Variants in PCDH15 observed in about 807,000 individuals in gnomAD.
PCDH15 encodes protocadherin related 15, also known as protocadherin-15.
PCDH15 carries 129 observed loss-of-function variants against 178.5 expected under a neutral mutation model. That is an observed-to-expected ratio of 0.72 (90% CI 0.63 to 0.84). PCDH15 has a LOEUF of 0.84. PCDH15 is among the 40% of genes least tolerant of loss of function. The pLI, the probability that PCDH15 is intolerant of heterozygous loss-of-function variation, is 0.00. For missense variants in PCDH15, 2,230 were observed against 2,099.9 expected (o/e 1.06, Z -1.21); for synonymous variants, 800 against 732.0 (o/e 1.09, Z -1.50).
At chr10:54,518,948 C>T (rs1463988213) in intron 3 of PCDH15, among the ~76,000 whole-genome samples, 1 of 152,102 alleles carries the variant, frequency 6.6e-6, no homozygotes. Flanking sequence ...TAAACAGATC[C>T]AAAGACAAAA....
intron 2 of PCDH15, among the ~76,000 whole-genome samples, chr10:55,438,916 T>G (rs1589028332): frequency 6.6e-6 from 1 of 151,668 alleles, no homozygotes; most frequent in East Asian, 1.9e-4. Context: ...TTATTTTTTT[T>G]GAGACAGAGT....
intron 3 of PCDH15, among the ~76,000 whole-genome samples, chr10:54,815,788 G>A (rs1406265404): frequency 6.6e-6 from 1 of 152,060 alleles, no homozygotes; most frequent in Non-Finnish European, 1.5e-5. Context: ...CATCATTTCA[G>A]ACAGATGATT....
intron 4 of PCDH15, among the ~76,000 whole-genome samples, chr10:54,375,314 G>A (rs910519436): frequency 2.0e-5 from 3 of 152,062 alleles, no homozygotes; most frequent in South Asian, 2.1e-4. Context: ...AGGAAGTGGA[G>A]TAAAATTATA....
chr10:53,989,308 C>T (rs554166647), intron 21 of PCDH15, among the ~76,000 whole-genome samples: 2 of 152,186 alleles, frequency 1.3e-5, no homozygotes, highest in South Asian at 2.1e-4. Context: ...ATTTTACGCA[C>T]ATTTCCATTT....
intron 32 of PCDH15, chr10:53,823,172 A>T (rs775645118): frequency 6.2e-7 from 1 of 1,613,970 alleles, no homozygotes; most frequent in East Asian, 2.2e-5. Context: ...AGTCATCCTC[A>T]TCAGATAGAA....
intron 2 of PCDH15, among the ~76,000 whole-genome samples, chr10:55,136,238 C>G (rs1033991343): frequency 6.6e-6 from 1 of 152,048 alleles, no homozygotes; most frequent in African/African-American, 2.4e-5. Context: ...TGCTGAGTAG[C>G]TCTATGACTT....
At position 54,122,363 on chromosome 10, in the gene PCDH15, T is replaced by C. The variant is rs145874477; in HGVS notation, c.1917+10512A>G. Among the ~76,000 whole-genome samples, 52 of 152,064 alleles carry C rather than the reference T, an allele frequency of 3.4e-4. 1 individual carries two copies. The East Asian group carries it at 9.4e-3, about 27-fold the overall frequency. On this transcript the variant is annotated intron_variant, in intron 15 of 37. Transcript: ENST00000644397. ...CAAGAAACTAGGCATCAGAGGTACA[T>C]ATCTCAAAATAATAAAAGCTATCTA...
At chr10:53,888,282 C>CTA (rs201647527) in intron 26 of PCDH15, among the ~76,000 whole-genome samples, 59 of 95,392 alleles carry the variant, frequency 6.2e-4, no homozygotes, top group African/African-American at 3.3e-3. Flanking sequence ...CATTCCAACA[C>CTA]TATATATACA....
At chr10:54,666,273 A>G (rs2094570599) in intron 1 of PCDH15, among the ~76,000 whole-genome samples, 3 of 152,066 alleles carry the variant, frequency 2.0e-5, no homozygotes, top group Admixed American at 6.6e-5. Context: ...AGTAGATATT[A>G]TTATCCCCAT....
chr10:54,593,843 C>T (rs890178502), intron 2 of PCDH15, among the ~76,000 whole-genome samples: 5 of 151,682 alleles, frequency 3.3e-5, no homozygotes, highest in Admixed American at 2.0e-4. Context: ...TTTCATTTAT[C>T]TATGCTTTAA....
chr10:53,986,431 C>T (rs1589773996), intron 21 of PCDH15, among the ~76,000 whole-genome samples: 3 of 152,266 alleles, frequency 2.0e-5, no homozygotes, highest in East Asian at 1.9e-4. Context: ...AAAAAAATTA[C>T]TAATGTAACT....
intron 1 of PCDH15, among the ~76,000 whole-genome samples, chr10:54,753,185 G>T (rs1440210170): frequency 6.6e-6 from 1 of 151,964 alleles, no homozygotes; most frequent in Admixed American, 6.6e-5. Context: ...AAATAGAGAC[G>T]TGATTTTTTT....
chr10:55,319,045 AACAAAAC>A (rs1270385020), intron 1 of PCDH15, among the ~76,000 whole-genome samples: 1 of 107,040 alleles, frequency 9.3e-6, no homozygotes, highest in Non-Finnish European at 2.1e-5. Flanking sequence ...CAAGAAAACA[AACAAAAC>A]ACACACACAC....
At chr10:54,955,294 T>C (rs1838455555) in intron 2 of PCDH15, among the ~76,000 whole-genome samples, 1 of 151,362 alleles carries the variant, frequency 6.6e-6, no homozygotes, top group African/African-American at 2.4e-5. Context: ...TTTGTTCTTT[T>C]GTTTTTCTTT....
chr10:55,573,702 T>C (rs1338348675), intron 2 of PCDH15, among the ~76,000 whole-genome samples: 1 of 152,180 alleles, frequency 6.6e-6, no homozygotes, highest in South Asian at 2.1e-4. Flanking sequence ...TAACTCAGCA[T>C]ATACTTCACA....
chr10:55,050,473 A>AG (rs1181004171), intron 2 of PCDH15, among the ~76,000 whole-genome samples: 1 of 152,030 alleles, frequency 6.6e-6, no homozygotes, highest in Admixed American at 6.6e-5. Context: ...GTGTCCTATG[A>AG]GATGTTTTAA....
chr10:54,430,190 G>A (rs1419408679), intron 3 of PCDH15, among the ~76,000 whole-genome samples: 1 of 151,532 alleles, frequency 6.6e-6, no homozygotes, highest in Non-Finnish European at 1.5e-5. Flanking sequence ...TGCTTAGCTG[G>A]GATTACAGGC....
At chr10:54,099,513 A>AAAAAAAAAAAAT (rs1347306483) in intron 15 of PCDH15, among the ~76,000 whole-genome samples, 19 of 117,924 alleles carry the variant, frequency 1.6e-4, no homozygotes, top group African/African-American at 4.6e-4. Flanking sequence ...AAAAAAAAAA[A>AAAAAAAAAAAAT]ATATATATAT....
At chr10:53,990,469 G>A (rs1037219564) in intron 21 of PCDH15, among the ~76,000 whole-genome samples, 3 of 149,190 alleles carry the variant, frequency 2.0e-5, no homozygotes, top group African/African-American at 7.4e-5. Flanking sequence ...GAAAAAAGAA[G>A]TCTTAAAAGT....
Sources: gnomAD v4.1 joint callset for allele counts (sites outside exome capture counted in the v4.1 genomes callset) on GRCh38, gnomAD v4.1.1 for gene constraint, MANE v1.5 for transcripts, NCBI Gene and HGNC (gene_info 2026-07-23, HGNC 2026-07-21) for gene names.